The following COL1A2 variants were observed in gnomAD, a reference collection of about 807,000 sequenced individuals.
COL1A2 encodes the protein collagen alpha-2(I) chain.
In COL1A2, 49 loss-of-function variants were observed where a neutral mutation model predicts 174.3. The ratio of observed to expected loss-of-function variants is 0.28; its 90% CI spans 0.22 to 0.36. COL1A2 has a LOEUF of 0.36. COL1A2 is among the 10% of genes least tolerant of loss of function. The pLI is 1.00. For missense variants in COL1A2, 1,438 were observed against 1,822.7 expected, an observed-to-expected ratio of 0.79 and a Z score of 3.84; for synonymous variants, 655 against 606.6, an observed-to-expected ratio of 1.08 and a Z score of -1.17.
chr7:94,407,827 C>T lies in COL1A2; in HGVS notation c.595-20C>T, dbSNP rs192022673. 4.0e-4 allele frequency: 647 copies of T among 1,612,472 alleles called. 5 individuals carry two copies. In the African/African-American group the frequency reaches 7.6e-3, roughly 19 times the overall value. On this transcript the variant is annotated intron_variant, in intron 12 of 51. Transcript: ENST00000297268. ...AATTGTTATATTTAATGAACAAAAA[C>T]TCAATCCTTCTCCATGTAGGGTGAA...
chr7:94,424,060 C>CT (rs1792224563), intron 40 of COL1A2: 1 of 411,140 alleles, frequency 2.4e-6, no homozygotes, highest in Non-Finnish European at 4.5e-6. Flanking sequence ...TATAAAAACT[C>CT]TATTTCACCA....
rs529501075 is a variant in COL1A2, at chr7:94,430,437, T to C, written c.*44T>C. ...AAAAAAGAAAGAAATTTGAAAAAAC[T>C]TTCTCTTTGCCATTTCTTCTTCTTC... is the stretch of plus-strand genomic sequence containing the variant. On this transcript the variant is annotated 3_prime_UTR_variant, in exon 52 of 52. Transcript: ENST00000297268. 2.5e-6 allele frequency: 4 copies of C among 1,595,958 alleles called. No individual in the cohort carries two copies. The Admixed American group carries it at 5.0e-5, about 20-fold the overall frequency.
Position 94,431,047 on chromosome 7 carries a change from A to AGTTGTCC in COL1A2, c.*654_*655insGTTGTCC, listed in dbSNP as rs3917. 0.68 allele frequency: 103,762 copies of AGTTGTCC among 151,726 alleles called. 36,710 individuals carry two copies. Among genetic ancestry groups the AGTTGTCC allele is most frequent in the East Asian group, 0.89 (4,567 of 5,142 alleles). 9.4% of individuals were successfully genotyped at this position (151,726 alleles called of 1,614,324 possible). ...AAAAGTATGCAGATTATTTGCCCAA[A>AGTTGTCC]TCTTCTTCAGATTCAGCATTTGTTC... is the stretch of plus-strand genomic sequence containing the variant. On this transcript the variant is annotated 3_prime_UTR_variant, in exon 52 of 52. Transcript: ENST00000297268.
chr7:94,414,135 T>C (rs1179913306), intron 28 of COL1A2, 87 bp from the exon 29 acceptor site: 1 of 1,448,504 alleles, frequency 6.9e-7, no homozygotes, highest in Non-Finnish European at 9.7e-7. Flanking sequence ...TGTTGATATT[T>C]GGTAGCCACC....
chr7:94,414,014 G>A (rs778316937), intron 28 of COL1A2, 67 bp downstream of exon 28: 36 of 1,443,026 alleles, frequency 2.5e-5, no homozygotes, highest in Admixed American at 6.8e-5. Flanking sequence ...TCACCATACC[G>A]TACCTCTCTT....
chr7:94,414,159 A>C (rs1040953360), intron 28 of COL1A2, 63 bp from the exon 29 acceptor site: 2 of 1,573,302 alleles, frequency 1.3e-6, no homozygotes, highest in South Asian at 1.1e-5. Context: ...CCCAAACTCA[A>C]TTATTAGCAA....
Position 94,426,059 on chromosome 7 carries a change from C to T in COL1A2, c.2997+8C>T. The T allele has an allele frequency of 6.2e-7, 1 of 1,612,018 alleles. No individual in the cohort carries two copies. Among genetic ancestry groups the T allele is most frequent in the Non-Finnish European group, 8.5e-7 (1 of 1,178,072 alleles). ...GGCCCAAGAGGTCCTAGTGTATGTA[C>T]ATGCTGAAGATTTCTTTGCAACACT... On this transcript the variant is annotated splice_region_variant and intron_variant, in intron 45 of 51. Coordinates refer to ENST00000297268, the MANE Select transcript of COL1A2 (RefSeq NM_000089.4).
chr7:94,427,099 T>G, intron 47 of COL1A2, 38 bp downstream of exon 47: 1 of 1,612,804 alleles, frequency 6.2e-7, no homozygotes, highest in Admixed American at 1.7e-5. Context: ...ATCTCTGAAA[T>G]AGAGGCTAAA....
Position 94,413,684 on chromosome 7 carries a change from TTTTAGGGTGC to T in COL1A2, c.1558-4_1563del. 1 of 1,614,082 alleles carries T rather than the reference TTTTAGGGTGC, an allele frequency of 6.2e-7. No homozygotes were observed. The highest frequency in any genetic ancestry group is 8.5e-7 in the Non-Finnish European group (1 of 1,179,958). On this transcript the variant is annotated splice_acceptor_variant and splice_polypyrimidine_tract_variant and coding_sequence_variant and intron_variant, in exon 27 of 52. Coordinates refer to ENST00000297268, the MANE Select transcript of COL1A2 (RefSeq NM_000089.4). LOFTEE classifies it high-confidence loss of function. ...AACCATCAGCCTTTCTGTTAAATAT[TTTTAGGGTGC>T]TCCAGGTCCTGATGGAAACAATGGT...
chr7:94,395,619 A>G lies in COL1A2; in HGVS notation c.70+518A>G, dbSNP rs114845681. On this transcript the variant is annotated intron_variant, in intron 1 of 51. Transcript: ENST00000297268. ...TGACGATGCTGATATGATGATGGTT[A>G]TAAGGCGCCCTCTGGAGGAAGGAAA... 2,608 of 236,350 alleles carry G rather than the reference A, an allele frequency of 0.011. 63 individuals are homozygous for G. Among genetic ancestry groups the G allele is most frequent in the African/African-American group, 0.055 (2,394 of 43,154 alleles). The allele number at this position is 236,350 out of a possible 1,614,324, so 14.6% of individuals were successfully genotyped here. A position where few individuals can be genotyped will look rare whatever the true frequency, so the allele number is the denominator to read the frequency against.
At chr7:94,424,520 T>G in intron 41 of COL1A2, 77 bp downstream of exon 41, 1 of 1,265,702 alleles carries the variant, frequency 7.9e-7, no homozygotes, top group Non-Finnish European at 1.2e-6. Flanking sequence ...TGTGACAGAT[T>G]GATCACTGAA....
intron 10 of COL1A2, 133 bp downstream of exon 10, chr7:94,405,385 GA>G (rs1791775179): frequency 1.1e-6 from 1 of 885,888 alleles, no homozygotes; most frequent in Non-Finnish European, 1.8e-6. Context: ...ATCTAATAAA[GA>G]AAAAAGCCTA....
chr7:94,405,866 C>A, intron 11 of COL1A2, 140 bp downstream of exon 11: 1 of 808,862 alleles, frequency 1.2e-6, no homozygotes, highest in South Asian at 1.4e-5. Context: ...GTTAAAGAGT[C>A]AGATTTCTTG....
chr7:94,405,373 G>A (rs993110420), intron 10 of COL1A2, 121 bp downstream of exon 10: 2 of 964,842 alleles, frequency 2.1e-6, no homozygotes, highest in Non-Finnish European at 3.2e-6. Context: ...TGAATCGAAG[G>A]CATCTAATAA....
intron 9 of COL1A2, 65 bp from the exon 10 acceptor site, chr7:94,405,134 G>C: frequency 6.5e-7 from 1 of 1,546,682 alleles, no homozygotes; most frequent in Non-Finnish European, 8.9e-7. Context: ...TAAAAACCAA[G>C]ATTCCCCCAT....
chr7:94,406,533 T>G (rs965743886), intron 12 of COL1A2, among the ~76,000 whole-genome samples: 1 of 152,144 alleles, frequency 6.6e-6, no homozygotes, highest in African/African-American at 2.4e-5. Context: ...GAGATAAAAA[T>G]AATATTAATA....
chr7:94,412,967 A>G, intron 25 of COL1A2, 116 bp from the exon 26 acceptor site: 2 of 995,786 alleles, frequency 2.0e-6, no homozygotes, highest in Non-Finnish European at 3.2e-6. Flanking sequence ...ACCACAGACT[A>G]GGGATCTCAA....
chr7:94,413,271 A>G (rs959415150), intron 26 of COL1A2, 135 bp downstream of exon 26: 2 of 912,764 alleles, frequency 2.2e-6, no homozygotes, highest in Non-Finnish European at 3.6e-6. Context: ...TTACTATCAT[A>G]AAATGCCTTT....
chr7:94,418,893 G>T (rs192248962), intron 33 of COL1A2, among the ~76,000 whole-genome samples: 1 of 151,546 alleles, frequency 6.6e-6, no homozygotes, highest in East Asian at 1.9e-4. Flanking sequence ...AAATAAATAA[G>T]TCTCCTATGC....
Sources: allele counts gnomAD v4.1 joint callset (sites outside exome capture counted in the v4.1 genomes callset), GRCh38; gene constraint gnomAD v4.1.1; transcripts MANE v1.5; gene names NCBI Gene and HGNC (gene_info 2026-07-23, HGNC 2026-07-21).